The following ELP2 variants were observed in gnomAD, a reference collection of about 807,000 sequenced individuals.
ELP2 encodes the protein elongator acetyltransferase complex subunit 2.
ELP2 carries 90 observed loss-of-function variants against 119.2 expected under a neutral mutation model. The ratio of observed to expected loss-of-function variants is 0.75; its 90% CI spans 0.64 to 0.90. ELP2 has a LOEUF of 0.90. Among genes scored for constraint, ELP2 ranks in the 40% least tolerant of loss-of-function variants. ELP2 has a pLI of 0.00. For missense variants in ELP2, 921 were observed against 967.8 expected (o/e 0.95, Z 0.64); for synonymous variants, 339 against 331.0 (o/e 1.02, Z -0.26).
chr18:36,141,523 TA>T (rs1215163005), intron 6 of ELP2: 3 of 319,324 alleles, frequency 9.4e-6, no homozygotes, highest in African/African-American at 6.4e-5. Flanking sequence ...GCATTCCTAG[TA>T]GTGTTTATTT....
chr18:36,161,132 A>G (rs2090726574), intron 17 of ELP2, 128 bp downstream of exon 17: 1 of 724,754 alleles, frequency 1.4e-6, no homozygotes, highest in Non-Finnish European at 2.5e-6. Context: ...TTTGAATCTT[A>G]CTTTCTCAAT....
intron 17 of ELP2, among the ~76,000 whole-genome samples, chr18:36,163,273 G>T (rs374471295): frequency 9.2e-4 from 1 of 1,082 alleles, no homozygotes; most frequent in African/African-American, 2.3e-3. Context: ...TAGTTCATGG[G>T]GGGTGTGTGT....
intron 18 of ELP2, chr18:36,165,089 A>G (rs765437221): frequency 1.0e-4 from 21 of 203,690 alleles, no homozygotes; most frequent in Non-Finnish European, 1.6e-4. Flanking sequence ...TCTCTGAACT[A>G]TTTTATTAAT....
intron 2 of ELP2, among the ~76,000 whole-genome samples, 160 bp downstream of exon 2, chr18:36,133,476 C>T (rs886384285): frequency 6.6e-6 from 1 of 152,134 alleles, no homozygotes; most frequent in African/African-American, 2.4e-5. Context: ...AATATCTGAA[C>T]TGTATTTTTA....
intron 13 of ELP2, 25 bp downstream of exon 13, chr18:36,156,679 C>T (rs2090585693): frequency 6.2e-7 from 1 of 1,600,180 alleles, no homozygotes; most frequent in Non-Finnish European, 8.6e-7. Context: ...AAATATTTTA[C>T]CTAAATCTAG....
rs753443446 is a variant in ELP2, at chr18:36,160,027, T to C, written c.1688+12T>C. The C allele has an allele frequency of 6.2e-7, 1 of 1,613,158 alleles. No individual in the cohort carries two copies. The highest frequency in any genetic ancestry group is 8.5e-7 in the Non-Finnish European group (1 of 1,179,636). ...GAAGTTCAAAAACTGTAAGTTAAAC[T>C]GTATTTAGCTCTTTGGTCTGATTCT... On this transcript the variant is annotated intron_variant, in intron 16 of 21. Coordinates refer to ENST00000358232, the MANE Select transcript of ELP2 (RefSeq NM_018255.4).
intron 3 of ELP2, among the ~76,000 whole-genome samples, chr18:36,137,547 G>A (rs375099756): frequency 1.3e-5 from 2 of 151,914 alleles, no homozygotes; most frequent in East Asian, 1.9e-4. Flanking sequence ...AAGAAGTGGT[G>A]GAATGTCACA....
chr18:36,155,092 A>C, intron 12 of ELP2, 93 bp downstream of exon 12: 1 of 1,062,186 alleles, frequency 9.4e-7, no homozygotes, highest in Non-Finnish European at 1.4e-6. Context: ...AGCTCACTGC[A>C]GCCTCCGCCA....
chr18:36,149,541 G>T (rs1598776761), intron 11 of ELP2, among the ~76,000 whole-genome samples: 1 of 94,394 alleles, frequency 1.1e-5, no homozygotes, highest in African/African-American at 4.2e-5. Context: ...ACTTGTTGTT[G>T]CAGGCCTGGT....
intron 16 of ELP2, 90 bp downstream of exon 16, chr18:36,160,105 C>A (rs989117949): frequency 1.6e-6 from 2 of 1,230,126 alleles, no homozygotes; most frequent in Non-Finnish European, 2.4e-6. Context: ...TCTCCTTTTT[C>A]TTCCTTCTAC....
intron 14 of ELP2, among the ~76,000 whole-genome samples, chr18:36,159,387 A>G (rs1848677276): frequency 6.6e-6 from 1 of 152,200 alleles, no homozygotes; most frequent in African/African-American, 2.4e-5. Flanking sequence ...TGCTGTTATT[A>G]CAGGTGTGAG....
In ELP2 at chr18:36,178,101, C is replaced by T. The variant is rs930697699; in HGVS notation, c.*3460C>T. The T allele has an allele frequency of 6.6e-6, 1 of 152,202 alleles. No homozygotes were observed. The highest frequency in any genetic ancestry group is 2.4e-5 in the African/African-American group (1 of 41,436). 9.4% of individuals were successfully genotyped at this position (152,202 alleles called of 1,614,324 possible). Reference sequence around the variant, plus strand: ...CCTGATGTCCATGTAACAAGCTGCCCTCCCCAACTCCCTCCTTCCTGTTTC... The same window carrying T: ...CCTGATGTCCATGTAACAAGCTGCCTTCCCCAACTCCCTCCTTCCTGTTTC... On this transcript the variant is annotated 3_prime_UTR_variant, in exon 22 of 22. Transcript: ENST00000358232.
At chr18:36,169,530 G>T (rs1377417566) in intron 19 of ELP2, among the ~76,000 whole-genome samples, 1 of 151,886 alleles carries the variant, frequency 6.6e-6, no homozygotes, top group African/African-American at 2.4e-5. Flanking sequence ...GGGATTACAG[G>T]CACCCGCCAC....
intron 11 of ELP2, among the ~76,000 whole-genome samples, chr18:36,153,423 G>A (rs2090465453): frequency 6.6e-6 from 1 of 152,134 alleles, no homozygotes; most frequent in South Asian, 2.1e-4. Flanking sequence ...AAGTATGTAG[G>A]GAAAACTCTC....
intron 5 of ELP2, among the ~76,000 whole-genome samples, chr18:36,140,385 C>T (rs2089978781): frequency 1.3e-5 from 2 of 150,534 alleles, no homozygotes; most frequent in South Asian, 2.1e-4. Flanking sequence ...CTCGCTCCGT[C>T]GCCCAGGCTG....
In ELP2 at chr18:36,130,090, C is replaced by T. The variant is rs1460261572; in HGVS notation, c.138+19C>T. On this transcript the variant is annotated intron_variant, in intron 1 of 21. Coordinates refer to ENST00000358232, the MANE Select transcript of ELP2 (RefSeq NM_018255.4). ...CCCCCTGGTAAGAGAGGTCGCTGGACGGCCGACCCTTGTGCTTTTCGGGTT... is the reference window on the plus strand; with the variant it reads ...CCCCCTGGTAAGAGAGGTCGCTGGATGGCCGACCCTTGTGCTTTTCGGGTT... The T allele has an allele frequency of 3.1e-6, 5 of 1,613,838 alleles. No homozygotes were observed. Among genetic ancestry groups the T allele is most frequent in the Non-Finnish European group, 4.2e-6 (5 of 1,180,006 alleles).
At chr18:36,133,897 GTTTTTTTTTTTTTTTTTTT>G (rs57135329) in intron 2 of ELP2, among the ~76,000 whole-genome samples, 1 of 60,756 alleles carries the variant, frequency 1.6e-5, no homozygotes, top group Admixed American at 2.9e-4. Flanking sequence ...TTTTTTAGGG[GTTTTTTTTTTTTTTTTTTT>G]TTTTTTTTTT....
chr18:36,156,126 A>G (rs1390067876), intron 12 of ELP2, among the ~76,000 whole-genome samples: 4 of 152,216 alleles, frequency 2.6e-5, no homozygotes, highest in African/African-American at 9.7e-5. Context: ...AGTTTCTGAT[A>G]GAAATTCACG....
intron 13 of ELP2, among the ~76,000 whole-genome samples, chr18:36,157,821 C>T (rs1236853315): frequency 1.3e-5 from 2 of 152,022 alleles, no homozygotes; most frequent in Non-Finnish European, 2.9e-5. Flanking sequence ...AAAAGGGAAG[C>T]CTTAATTGTG....
Sources: allele counts gnomAD v4.1 joint callset (sites outside exome capture counted in the v4.1 genomes callset), GRCh38; gene constraint gnomAD v4.1.1; transcripts MANE v1.5; gene names NCBI Gene and HGNC (gene_info 2026-07-23, HGNC 2026-07-21).